The following NOTCH2 variants were observed in gnomAD, a reference collection of about 807,000 sequenced individuals.
The protein encoded by NOTCH2 is notch receptor 2.
Under a neutral mutation model 235.8 loss-of-function variants are expected in NOTCH2, and 29 were observed. That is an observed-to-expected ratio of 0.12 (90% CI 0.09 to 0.17). The LOEUF is 0.17. NOTCH2 is among the 10% of genes least tolerant of loss of function. NOTCH2 has a pLI of 1.00. For synonymous variants in NOTCH2, 1,086 were observed against 1,141.5 expected, an observed-to-expected ratio of 0.95 and a Z score of 0.98; for missense variants, 2,285 against 3,150.2, an observed-to-expected ratio of 0.73 and a Z score of 6.57.
intron 5 of NOTCH2, among the ~76,000 whole-genome samples, chr1:119,984,925 T>G (rs1458568180): frequency 6.6e-6 from 1 of 151,898 alleles, no homozygotes; most frequent in Non-Finnish European, 1.5e-5. Flanking sequence ...TTGATCTGAG[T>G]CAGGCATGCC....
At chr1:119,960,131 A>C (rs1553198846) in intron 11 of NOTCH2, among the ~76,000 whole-genome samples, 2 of 152,214 alleles carry the variant, frequency 1.3e-5, no homozygotes, top group African/African-American at 4.8e-5. Flanking sequence ...ACCAGGGTTA[A>C]TCAGAATTGA....
chr1:120,027,540 T>C (rs1317173311), intron 2 of NOTCH2, among the ~76,000 whole-genome samples: 4 of 150,710 alleles, frequency 2.7e-5, no homozygotes, highest in Non-Finnish European at 5.9e-5. Flanking sequence ...ACATGTGCCA[T>C]GGTGGTTTGC....
intron 1 of NOTCH2, among the ~76,000 whole-genome samples, chr1:120,066,053 G>T (rs1655492738): frequency 6.6e-6 from 1 of 151,678 alleles, no homozygotes; most frequent in East Asian, 1.9e-4. Context: ...AAAAGGAGAG[G>T]TGGAGAATTT....
intron 17 of NOTCH2, among the ~76,000 whole-genome samples, chr1:119,942,772 T>C (rs1553196617): frequency 6.6e-6 from 1 of 152,106 alleles, no homozygotes; most frequent in African/African-American, 2.4e-5. Flanking sequence ...GAGAAAGGAA[T>C]ACAAACAGCT....
intron 1 of NOTCH2, among the ~76,000 whole-genome samples, chr1:120,063,377 T>C (rs1474806855): frequency 3.3e-5 from 5 of 151,182 alleles, no homozygotes; most frequent in Non-Finnish European, 5.9e-5. Flanking sequence ...GGAAGCACCA[T>C]TTGCAACGGC....
chr1:119,999,617 G>A (rs1553204904), intron 3 of NOTCH2, among the ~76,000 whole-genome samples: 1 of 151,824 alleles, frequency 6.6e-6, no homozygotes, highest in African/African-American at 2.4e-5. Context: ...AGTGGTGGCT[G>A]ATGCCTGTAA....
At chr1:119,958,059 G>A (rs1650776667) in intron 12 of NOTCH2, among the ~76,000 whole-genome samples, 1 of 152,136 alleles carries the variant, frequency 6.6e-6, no homozygotes, top group Admixed American at 6.5e-5. Context: ...ACAATTTAGT[G>A]CCTAGCTCAA....
rs750507344 is a variant in NOTCH2, at chr1:119,919,593, A to G, written c.5500T>C (p.Leu1834=). 22 of 1,614,138 alleles carry G rather than the reference A, an allele frequency of 1.4e-5. No individual in the cohort carries two copies. Among genetic ancestry groups the G allele is most frequent in the Non-Finnish European group, 1.8e-5 (21 of 1,180,014 alleles). Residue 1834 remains leucine (L), a synonymous_variant, in exon 31 of 34, where the codon TTG becomes CTG. Coordinates refer to ENST00000256646, the MANE Select transcript of NOTCH2 (RefSeq NM_024408.4). ...RGPDGCTPLM[L]ASLRGGSSDL... Reference sequence around the variant, plus strand: ...GAGCTGCCTCCTCGGAGAGAAGCCAACATCAATGGGGTGCAGCCATCTGTA... The same window carrying G: ...GAGCTGCCTCCTCGGAGAGAAGCCAGCATCAATGGGGTGCAGCCATCTGTA...
intron 17 of NOTCH2, among the ~76,000 whole-genome samples, chr1:119,942,372 C>G (rs1650093412): frequency 6.6e-6 from 1 of 152,022 alleles, no homozygotes; most frequent in African/African-American, 2.4e-5. Flanking sequence ...CAAATCAGAA[C>G]AAGAAAAATA....
intron 1 of NOTCH2, among the ~76,000 whole-genome samples, chr1:120,062,862 T>C (rs1469762216): frequency 6.6e-6 from 1 of 152,144 alleles, no homozygotes; most frequent in African/African-American, 2.4e-5. Flanking sequence ...CACAAGTTAA[T>C]ACAATAATTC....
At chr1:119,962,331 C>T (rs1553199088) in intron 11 of NOTCH2, among the ~76,000 whole-genome samples, 1 of 152,160 alleles carries the variant, frequency 6.6e-6, no homozygotes, top group Non-Finnish European at 1.5e-5. Context: ...CAGTCAATTG[C>T]TTGTAAATCT....
chr1:119,994,567 CACACAT>C (rs1319358554), intron 4 of NOTCH2: 14 of 104,702 alleles, frequency 1.3e-4, no homozygotes, highest in Admixed American at 4.1e-4. Context: ...CACACACACA[CACACAT>C]ATTGATATGT....
chr1:119,967,347 C>T lies in NOTCH2; in HGVS notation c.1453+86G>A, dbSNP rs1044909908. 3 of 1,197,478 alleles carry T rather than the reference C, an allele frequency of 2.5e-6. No individual in the cohort carries two copies. The African/African-American group carries it at 4.5e-5, about 18-fold the overall frequency. The allele number at this position is 1,197,478 out of a possible 1,614,324, so 74.2% of individuals were successfully genotyped here. ...TCAAATGCTGACAGAGCTCATCAGA[C>T]TGCAATAGTATACTGAATGCTCTAC... On this transcript the variant is annotated intron_variant, in intron 8 of 33. Coordinates refer to ENST00000256646, the MANE Select transcript of NOTCH2 (RefSeq NM_024408.4).
chr1:119,921,886 G>T, intron 28 of NOTCH2, 77 bp from the exon 29 acceptor site: 2 of 1,207,026 alleles, frequency 1.7e-6, no homozygotes, highest in South Asian at 2.4e-5. Context: ...TTTCCACCAT[G>T]ACACACTCCC....
At chr1:119,966,909 C>A (rs1272000531) in intron 8 of NOTCH2, among the ~76,000 whole-genome samples, 2 of 152,200 alleles carry the variant, frequency 1.3e-5, no homozygotes, top group Non-Finnish European at 2.9e-5. Flanking sequence ...GAGTGGCCGG[C>A]AGCCTTAATC....
At chr1:119,981,079 C>G (rs1297402647) in intron 5 of NOTCH2, among the ~76,000 whole-genome samples, 1 of 152,174 alleles carries the variant, frequency 6.6e-6, no homozygotes, top group African/African-American at 2.4e-5. Flanking sequence ...CTCGTCCCTG[C>G]CTGTATTCTG....
At chr1:119,928,911 G>A (rs1649561113) in intron 23 of NOTCH2, 65 bp downstream of exon 23, 6 of 1,357,260 alleles carry the variant, frequency 4.4e-6, no homozygotes, top group African/African-American at 1.4e-5. Context: ...AACTCACAGG[G>A]CCCAATTTGT....
At chr1:119,943,102 T>C (rs1368586785) in intron 17 of NOTCH2, among the ~76,000 whole-genome samples, 1 of 152,134 alleles carries the variant, frequency 6.6e-6, no homozygotes, top group Non-Finnish European at 1.5e-5. Context: ...GAACTGTGTC[T>C]ATATGTCTTT....
At chr1:119,982,124 C>T (rs1235126794) in intron 5 of NOTCH2, among the ~76,000 whole-genome samples, 1 of 152,102 alleles carries the variant, frequency 6.6e-6, no homozygotes, top group Non-Finnish European at 1.5e-5. Context: ...TACTTGCCAA[C>T]TCACATCAAA....
Sources: allele counts gnomAD v4.1 joint callset (sites outside exome capture counted in the v4.1 genomes callset), GRCh38; gene constraint gnomAD v4.1.1; transcripts MANE v1.5; gene names NCBI Gene and HGNC (gene_info 2026-07-23, HGNC 2026-07-21).